Variants in GSE1 observed in about 807,000 individuals in gnomAD.
The protein encoded by GSE1 is genetic suppressor element 1.
Under a neutral mutation model 112.6 loss-of-function variants are expected in GSE1, and 32 were observed. The observed-to-expected ratio is 0.28, with a 90% confidence interval of 0.21 to 0.38. The LOEUF is 0.38. GSE1 is among the 10% of genes least tolerant of loss of function. The pLI is 1.00. For missense variants in GSE1, 2,348 were observed against 1,699.2 expected (o/e 1.38, Z -6.71); for synonymous variants, 1,115 against 735.6 (o/e 1.52, Z -8.35).
rs746171907 is a variant in GSE1 at position 85,434,018 on chromosome 16, C to T, written c.2464+76375C>T. Among the ~76,000 whole-genome samples the T allele has an allele frequency of 1.4e-3, 215 of 152,090 alleles. 1 individual carries two copies. The highest frequency in any genetic ancestry group is 8.4e-4 in the Non-Finnish European group (57 of 68,024). On this transcript the variant is annotated intron_variant, in intron 2 of 2. Transcript: ENST00000637419. ...CCAGCCCTAGGCCTGCTCAGCTGGGCACAACCCAAACCTGAGGGCCTGTGG... is the reference window on the plus strand; with the variant it reads ...CCAGCCCTAGGCCTGCTCAGCTGGGTACAACCCAAACCTGAGGGCCTGTGG...
intron 2 of GSE1, among the ~76,000 whole-genome samples, chr16:85,465,111 C>G (rs547784832): frequency 6.6e-6 from 1 of 152,268 alleles, no homozygotes. Flanking sequence ...CCACTGGCAT[C>G]TCTTCCTTCA....
chr16:85,472,320 G>C (rs994768045), intron 2 of GSE1, among the ~76,000 whole-genome samples: 8 of 151,352 alleles, frequency 5.3e-5, no homozygotes, highest in African/African-American at 1.5e-4. Context: ...TGGAGGCCTG[G>C]GGGGAGGAAG....
chr16:85,378,944 G>C (rs1315218498), intron 2 of GSE1, among the ~76,000 whole-genome samples: 1 of 152,222 alleles, frequency 6.6e-6, no homozygotes, highest in Non-Finnish European at 1.5e-5. Flanking sequence ...CAGAGGACTT[G>C]AGAATTAAAA....
chr16:85,426,460 G>A (rs1002015965), intron 2 of GSE1, among the ~76,000 whole-genome samples: 4 of 123,204 alleles, frequency 3.2e-5, no homozygotes, highest in Non-Finnish European at 6.7e-5. Flanking sequence ...AAGGAAGGGA[G>A]AAAGGGAGGG....
chr16:85,337,115 C>T (rs2046507206), intron 1 of GSE1, among the ~76,000 whole-genome samples: 1 of 152,164 alleles, frequency 6.6e-6, no homozygotes, highest in East Asian at 1.9e-4. Context: ...CAGACAGAAG[C>T]TCCTGCTGTT....
intron 2 of GSE1, among the ~76,000 whole-genome samples, chr16:85,399,900 G>A (rs953775820): frequency 6.6e-6 from 1 of 152,210 alleles, no homozygotes; most frequent in African/African-American, 2.4e-5. Flanking sequence ...AGACTGGCCA[G>A]GGCAGACCCT....
intron 2 of GSE1, among the ~76,000 whole-genome samples, chr16:85,364,502 A>C (rs2047146884): frequency 6.6e-6 from 1 of 152,206 alleles, no homozygotes; most frequent in African/African-American, 2.4e-5. Context: ...CAGCTGCATT[A>C]GTCAGGGCAG....
intron 1 of GSE1, among the ~76,000 whole-genome samples, chr16:85,216,025 C>T (rs563478000): frequency 6.6e-6 from 1 of 152,318 alleles, no homozygotes. Context: ...TGGGGGTCAG[C>T]CCACAGCCAA....
chr16:85,449,998 T>G (rs948791938), intron 2 of GSE1, among the ~76,000 whole-genome samples: 3 of 152,144 alleles, frequency 2.0e-5, no homozygotes, highest in Non-Finnish European at 2.9e-5. Context: ...AGTGGCCTTC[T>G]GTCTTCAGCC....
intron 1 of GSE1, among the ~76,000 whole-genome samples, chr16:85,180,975 C>T (rs2074571509): frequency 6.6e-6 from 1 of 152,188 alleles, no homozygotes; most frequent in Non-Finnish European, 1.5e-5. Context: ...ACTGTGGGAA[C>T]CATTTCAACG....
chr16:85,553,392 G>A (rs1437701616), upstream of GSE1, among the ~76,000 whole-genome samples: 1 of 151,596 alleles, frequency 6.6e-6, no homozygotes, highest in East Asian at 1.9e-4. Flanking sequence ...CCGAGGGCCT[G>A]GCGCGACCTC....
intron 1 of GSE1, among the ~76,000 whole-genome samples, chr16:85,187,337 CGCTGGGCAGT>C (rs2074725749): frequency 6.6e-6 from 1 of 152,250 alleles, no homozygotes; most frequent in Admixed American, 6.5e-5. Flanking sequence ...GACAGAGCGA[CGCTGGGCAGT>C]GCTGGGGGCA....
At chr16:85,632,733 C>G (rs2049644053) in intron 1 of GSE1, among the ~76,000 whole-genome samples, 1 of 152,202 alleles carries the variant, frequency 6.6e-6, no homozygotes, top group African/African-American at 2.4e-5. Flanking sequence ...GTGTTGCCCC[C>G]CGGATCTCTG....
chr16:85,228,222 G>A (rs539608562), intron 1 of GSE1, among the ~76,000 whole-genome samples: 1 of 152,382 alleles, frequency 6.6e-6, no homozygotes, highest in Non-Finnish European at 1.5e-5. Context: ...CATGAGTCAA[G>A]TCTGGGGGTA....
intron 2 of GSE1, among the ~76,000 whole-genome samples, chr16:85,512,403 C>A (rs112784065): frequency 1.3e-4 from 20 of 152,276 alleles, no homozygotes; most frequent in African/African-American, 4.8e-4. Flanking sequence ...ACTCCACACT[C>A]GCCGTGCTTC....
At chr16:85,575,902 GT>G (rs11331736) in intron 1 of GSE1, among the ~76,000 whole-genome samples, 20,744 of 132,474 alleles carry the variant, frequency 0.16, 3,484 homozygotes, top group African/African-American at 0.42. Flanking sequence ...CCTCGTTTCT[GT>G]TTTTTTTTTT....
At chr16:85,513,728 T>G (rs2151936994) in intron 2 of GSE1, among the ~76,000 whole-genome samples, 1 of 152,228 alleles carries the variant, frequency 6.6e-6, no homozygotes, top group East Asian at 1.9e-4. Flanking sequence ...GCAAGGCCCC[T>G]GGGCCACTCC....
At chr16:85,473,421 T>TA (rs2050356069) in intron 2 of GSE1, among the ~76,000 whole-genome samples, 1 of 152,082 alleles carries the variant, frequency 6.6e-6, no homozygotes, top group Non-Finnish European at 1.5e-5. Flanking sequence ...CTGAGGGGCT[T>TA]AAAACCACAG....
chr16:85,276,618 G>C (rs1428061442), intron 1 of GSE1, among the ~76,000 whole-genome samples: 1 of 152,234 alleles, frequency 6.6e-6, no homozygotes, highest in Admixed American at 6.5e-5. Context: ...ATGACCATGA[G>C]GGGCTAGTAG....
Sources: allele counts gnomAD v4.1 joint callset (sites outside exome capture counted in the v4.1 genomes callset), GRCh38; gene constraint gnomAD v4.1.1; transcripts MANE v1.5; gene names NCBI Gene and HGNC (gene_info 2026-07-23, HGNC 2026-07-21).